Variants in HOMER2 observed in about 807,000 individuals in gnomAD.
The protein encoded by HOMER2 is homer protein homolog 2.
A neutral mutation model predicts 47.0 loss-of-function variants in HOMER2; 27 were observed. The observed-to-expected ratio is 0.57, with a 90% CI of 0.42 to 0.79. The LOEUF (loss-of-function observed/expected upper bound fraction) is 0.79. Among genes scored for constraint, HOMER2 ranks in the 30% least tolerant of loss-of-function variants. The pLI is 0.00. For missense variants in HOMER2, 443 were observed against 435.0 expected, an observed-to-expected ratio of 1.02 and a Z score of -0.16; for synonymous variants, 161 against 163.8, an observed-to-expected ratio of 0.98 and a Z score of 0.13.
At chr15:82,916,008 T>C (rs2053580279) in intron 1 of HOMER2, among the ~76,000 whole-genome samples, 1 of 152,230 alleles carries the variant, frequency 6.6e-6, no homozygotes, top group Non-Finnish European at 1.5e-5. Context: ...ACTTCACTGT[T>C]ACAAAATAAA....
chr15:82,877,680 G>A (rs547396427), intron 2 of HOMER2, among the ~76,000 whole-genome samples: 4 of 152,098 alleles, frequency 2.6e-5, no homozygotes, highest in Non-Finnish European at 4.4e-5. Context: ...CATGTGCTAC[G>A]GTCCAGCTGA....
chr15:82,868,062 T>G (rs962299652), intron 3 of HOMER2, among the ~76,000 whole-genome samples: 6 of 152,186 alleles, frequency 3.9e-5, no homozygotes, highest in Admixed American at 6.5e-5. Flanking sequence ...TATATATGCT[T>G]GTAAATTTGG....
chr15:82,913,384 A>C lies in HOMER2; in HGVS notation c.6-20543T>G, dbSNP rs1157847920. Among the ~76,000 whole-genome samples the C allele has an allele frequency of 3.3e-5, 5 of 151,974 alleles. No homozygotes were observed. The highest frequency in any genetic ancestry group is 1.2e-4 in the African/African-American group (5 of 41,350). ...TTGAAGAAGCCTGAGCTACACGGAG[A>C]GGGTAGCTCCAGATCCTTCTAGAAC... On this transcript the variant is annotated intron_variant, in intron 1 of 8. Coordinates refer to ENST00000450735, the MANE Select transcript of HOMER2 (RefSeq NM_004839.4). This position sits in a 1 kb window ranked among gnomAD's most constrained non-coding sequence, Gnocchi z 4.1.
chr15:82,908,213 G>GA (rs988001749), intron 1 of HOMER2, among the ~76,000 whole-genome samples: 19 of 151,800 alleles, frequency 1.3e-4, no homozygotes, highest in Middle Eastern at 3.4e-3. Flanking sequence ...GATTACAGTA[G>GA]AAAAAAAATC....
At chr15:82,857,199 C>A (rs2051613668) in intron 5 of HOMER2, among the ~76,000 whole-genome samples, 2 of 151,990 alleles carry the variant, frequency 1.3e-5, no homozygotes, top group African/African-American at 4.8e-5. Context: ...CAAGAGTCCT[C>A]AGAGAGCTCA....
exon 2 of HOMER2, chr15:82,841,905 CAT>C (rs543200651): frequency 4.1e-4 from 62 of 152,306 alleles, no homozygotes; most frequent in African/African-American, 1.4e-3. Flanking sequence ...AGGGTTGTCT[CAT>C]ATGGTCAAAG....
intron 2 of HOMER2, among the ~76,000 whole-genome samples, chr15:82,889,554 C>T (rs1458973555): frequency 6.6e-6 from 1 of 152,226 alleles, no homozygotes; most frequent in East Asian, 1.9e-4. Context: ...CCGCTCAACA[C>T]ACTGCACCTG....
chr15:82,894,174 A>G (rs1173459350), intron 1 of HOMER2, among the ~76,000 whole-genome samples: 1 of 152,132 alleles, frequency 6.6e-6, no homozygotes, highest in African/African-American at 2.4e-5. Flanking sequence ...CATATTACCT[A>G]TGTTTCTTTC....
chr15:82,903,762 G>T (rs936705404), intron 1 of HOMER2, among the ~76,000 whole-genome samples: 1 of 152,192 alleles, frequency 6.6e-6, no homozygotes. Flanking sequence ...TGCGAGGCCA[G>T]GGCGGGCAGA....
At chr15:82,951,761 G>T (rs1208969157) in intron 1 of HOMER2, among the ~76,000 whole-genome samples, 1 of 152,232 alleles carries the variant, frequency 6.6e-6, no homozygotes, top group African/African-American at 2.4e-5. Flanking sequence ...CATCTGTAAA[G>T]TGGACATAAG....
intron 1 of HOMER2, among the ~76,000 whole-genome samples, chr15:82,930,430 A>C (rs954921008): frequency 6.6e-6 from 1 of 152,230 alleles, no homozygotes; most frequent in Admixed American, 6.5e-5. Context: ...CGTCCGGTGC[A>C]ATCACAGAGT....
At position 82,851,284 on chromosome 15, in the gene HOMER2, T is replaced by A; in HGVS notation, c.763-53A>T. On this transcript the variant is annotated intron_variant, in intron 7 of 8. Transcript: ENST00000450735. The stretch of plus-strand genomic sequence containing the variant: ...ATGAAAGCAAGTCAGATAAAATATA[T>A]TCTTGAAAATCACCAATGTGTGCAC... 4 of 1,281,610 alleles carry A rather than the reference T, an allele frequency of 3.1e-6. No individual in the cohort carries two copies. The South Asian group carries it at 3.8e-5, about 12-fold the overall frequency. 79.4% of individuals were successfully genotyped at this position (1,281,610 alleles called of 1,614,324 possible). A position where few individuals can be genotyped will look rare whatever the true frequency, so the allele number is the denominator to read the frequency against.
intron 1 of HOMER2, among the ~76,000 whole-genome samples, chr15:82,906,917 A>AAT (rs2053302874): frequency 6.6e-6 from 1 of 152,240 alleles, no homozygotes; most frequent in African/African-American, 2.4e-5. Context: ...TAAAGGGGCC[A>AAT]ATACTAAAGG....
At chr15:82,848,141 C>T (rs956985329), downstream of HOMER2, among the ~76,000 whole-genome samples, 9 of 152,244 alleles carry the variant, frequency 5.9e-5, no homozygotes, top group African/African-American at 9.6e-5. Context: ...CTCAGAGAGG[C>T]GTCTCCGTGA....
rs1027707424 is a variant in HOMER2 at position 82,948,446 on chromosome 15, C to G, written c.5+4085G>C. Among the ~76,000 whole-genome samples, 9 of 150,974 alleles carry G rather than the reference C, an allele frequency of 6.0e-5. No individual in the cohort carries two copies. In the East Asian group the frequency reaches 1.7e-3, roughly 29 times the overall value. On this transcript the variant is annotated intron_variant, in intron 1 of 8. Transcript: ENST00000450735. ...GGTGTGATGGCACATGCCTATAATA[C>G]CAGCTACTCAGGAAGCTGAGGCATG...
rs76228850 is a variant in HOMER2 at position 82,894,391 on chromosome 15, A to G, written c.6-1550T>C. On this transcript the variant is annotated intron_variant, in intron 1 of 8. Transcript: ENST00000450735. ...GCTCAAAAATCCTTTAAGTGTTCAA[A>G]ATAAGATACAAATAGAAAAAAAGCC... Among the ~76,000 whole-genome samples, 1,039 of 152,328 alleles carry G rather than the reference A, an allele frequency of 6.8e-3. 8 individuals carry two copies. The highest frequency in any genetic ancestry group is 0.011 in the Non-Finnish European group (779 of 68,026).
intron 1 of HOMER2, among the ~76,000 whole-genome samples, chr15:82,959,846 G>A (rs905961576): frequency 6.6e-6 from 1 of 152,220 alleles, no homozygotes; most frequent in Non-Finnish European, 1.5e-5. Flanking sequence ...GCTTGTATGA[G>A]ATTTAGGGTT....
chr15:82,907,216 G>A (rs560203343), intron 1 of HOMER2, among the ~76,000 whole-genome samples: 1 of 152,166 alleles, frequency 6.6e-6, no homozygotes, highest in East Asian at 1.9e-4. Context: ...AACTAGCTGG[G>A]CATGGTGGCG....
At chr15:82,897,059 TCA>T (rs2052947404) in intron 1 of HOMER2, among the ~76,000 whole-genome samples, 1 of 105,288 alleles carries the variant, frequency 9.5e-6, no homozygotes, top group African/African-American at 4.8e-5. Flanking sequence ...AAATTTGATG[TCA>T]TTTCTTTTTT....
Sources: allele counts gnomAD v4.1 joint callset (sites outside exome capture counted in the v4.1 genomes callset), GRCh38; gene constraint gnomAD v4.1.1; non-coding constraint Gnocchi (gnomAD v3.1); transcripts MANE v1.5; gene names NCBI Gene and HGNC (gene_info 2026-07-23, HGNC 2026-07-21).